Variants in SLC4A4 observed in about 807,000 individuals in gnomAD.
SLC4A4 encodes the protein solute carrier family 4 member 4.
Under a neutral mutation model 111.5 loss-of-function variants are expected in SLC4A4, and 27 were observed. The ratio of observed to expected loss-of-function variants is 0.24; its 90% CI spans 0.18 to 0.33. The LOEUF (loss-of-function observed/expected upper bound fraction) is 0.33, where lower values mean the gene tolerates loss of function less well. SLC4A4 is among the 10% of genes least tolerant of loss of function. SLC4A4 has a pLI of 1.00. For synonymous variants in SLC4A4, 443 were observed against 463.4 expected, an observed-to-expected ratio of 0.96 and a Z score of 0.57; for missense variants, 909 against 1,315.5, an observed-to-expected ratio of 0.69 and a Z score of 4.78.
At chr4:71,184,735 G>A (rs1217289009), upstream of SLC4A4, among the ~76,000 whole-genome samples, 2 of 152,134 alleles carry the variant, frequency 1.3e-5, no homozygotes, top group African/African-American at 4.8e-5. Flanking sequence ...AAAATCTCAG[G>A]ATTCATTGTT....
chr4:71,420,595 G>T (rs1722353083), intron 7 of SLC4A4, among the ~76,000 whole-genome samples: 1 of 152,200 alleles, frequency 6.6e-6, no homozygotes, highest in South Asian at 2.1e-4. Flanking sequence ...GAAAGGTCGG[G>T]TTACTCACAA....
chr4:71,474,777 T>C (rs963099739), intron 14 of SLC4A4, among the ~76,000 whole-genome samples: 7 of 151,904 alleles, frequency 4.6e-5, no homozygotes, highest in Non-Finnish European at 1.5e-5. Context: ...CATATAGTTA[T>C]GAAAGCTAAC....
chr4:71,274,618 A>AT (rs1260090249), intron 3 of SLC4A4, among the ~76,000 whole-genome samples: 1 of 152,162 alleles, frequency 6.6e-6, no homozygotes, highest in East Asian at 1.9e-4. Context: ...GCTCTGTAGA[A>AT]TTTTTTTTCA....
intron 1 of SLC4A4, among the ~76,000 whole-genome samples, chr4:71,085,247 G>A (rs1270257350): frequency 6.6e-6 from 1 of 151,668 alleles, no homozygotes; most frequent in African/African-American, 2.4e-5. Flanking sequence ...CTTTTTGATG[G>A]GTTTGTTTGT....
intron 16 of SLC4A4, among the ~76,000 whole-genome samples, chr4:71,512,683 A>G (rs28813548): frequency 0.13 from 19,721 of 152,068 alleles, 1,572 homozygotes; most frequent in Admixed American, 0.24. Context: ...AATGAATTTC[A>G]GATCTTAATC....
intron 16 of SLC4A4, among the ~76,000 whole-genome samples, chr4:71,516,471 TGTG>T (rs1021779777): frequency 2.0e-5 from 3 of 152,186 alleles, no homozygotes; most frequent in Admixed American, 2.0e-4. Flanking sequence ...CAGTAATGGC[TGTG>T]CTCCCAAAAT....
intron 17 of SLC4A4, among the ~76,000 whole-genome samples, chr4:71,532,577 C>G (rs749290042): frequency 6.6e-6 from 1 of 152,068 alleles, no homozygotes; most frequent in Non-Finnish European, 1.5e-5. Context: ...GCAATCTCAG[C>G]TCACTGCAAC....
chr4:71,295,285 C>G (rs562644672), intron 3 of SLC4A4, among the ~76,000 whole-genome samples: 3 of 152,236 alleles, frequency 2.0e-5, no homozygotes, highest in African/African-American at 7.2e-5. Context: ...TCTATACTTA[C>G]AAATGGTGAG....
At chr4:71,509,421 T>G (rs1346052890) in intron 16 of SLC4A4, among the ~76,000 whole-genome samples, 5 of 150,250 alleles carry the variant, frequency 3.3e-5, no homozygotes, top group African/African-American at 1.2e-4. Flanking sequence ...TTTTTTTTTC[T>G]GTAAATGGGT....
intron 18 of SLC4A4, among the ~76,000 whole-genome samples, chr4:71,544,402 G>C (rs529684898): frequency 4.6e-5 from 7 of 152,082 alleles, no homozygotes; most frequent in African/African-American, 1.7e-4. Flanking sequence ...GTGGTTGAAA[G>C]TGGTGGTGGC....
chr4:71,358,688 G>T (rs1730499377), intron 6 of SLC4A4, among the ~76,000 whole-genome samples: 1 of 151,922 alleles, frequency 6.6e-6, no homozygotes, highest in Non-Finnish European at 1.5e-5. Context: ...AAATATTTTG[G>T]TTTTTATGTC....
chr4:71,190,632 C>T (rs1031753914), intron 1 of SLC4A4, among the ~76,000 whole-genome samples: 1 of 152,140 alleles, frequency 6.6e-6, no homozygotes, highest in African/African-American at 2.4e-5. Flanking sequence ...GGGAGGATCA[C>T]TTAAGCATAG....
intron 2 of SLC4A4, among the ~76,000 whole-genome samples, chr4:71,106,419 C>G (rs1349054812): frequency 1.3e-5 from 2 of 148,924 alleles, no homozygotes; most frequent in East Asian, 2.0e-4. Context: ...CATCCCATTA[C>G]TGGGTATATA....
At chr4:71,308,516 GA>G (rs1725872218) in intron 3 of SLC4A4, among the ~76,000 whole-genome samples, 1 of 152,098 alleles carries the variant, frequency 6.6e-6, no homozygotes, top group Non-Finnish European at 1.5e-5. Flanking sequence ...ATTTCCAACT[GA>G]GGTAGCCAGT....
At chr4:71,540,926 G>A (rs1405404404) in intron 18 of SLC4A4, among the ~76,000 whole-genome samples, 1 of 152,116 alleles carries the variant, frequency 6.6e-6, no homozygotes, top group Non-Finnish European at 1.5e-5. Context: ...TGAGGTCAAA[G>A]TTAACGGGGC....
chr4:71,408,580 G>C (rs1721082586), intron 7 of SLC4A4, among the ~76,000 whole-genome samples: 1 of 151,982 alleles, frequency 6.6e-6, no homozygotes, highest in Non-Finnish European at 1.5e-5. Flanking sequence ...GCTCTATACT[G>C]CTCTATCCAC....
At chr4:71,365,566 T>A (rs1731166390) in intron 6 of SLC4A4, among the ~76,000 whole-genome samples, 1 of 152,138 alleles carries the variant, frequency 6.6e-6, no homozygotes, top group African/African-American at 2.4e-5. Flanking sequence ...CTTCCAAGAA[T>A]GACTAAGCAT....
chr4:71,205,610 G>A (rs920984217), intron 1 of SLC4A4, among the ~76,000 whole-genome samples: 2 of 151,888 alleles, frequency 1.3e-5, no homozygotes, highest in South Asian at 4.2e-4. Context: ...ACTGAAACTG[G>A]GGCATACACA....
At chr4:71,352,534 G>C (rs1729934725) in intron 5 of SLC4A4, among the ~76,000 whole-genome samples, 1 of 152,168 alleles carries the variant, frequency 6.6e-6, no homozygotes, top group Non-Finnish European at 1.5e-5. Flanking sequence ...AAGAAGGAAT[G>C]CTGGATTTAA....
Sources: allele counts gnomAD v4.1 joint callset (sites outside exome capture counted in the v4.1 genomes callset), GRCh38; gene constraint gnomAD v4.1.1; transcripts MANE v1.5; gene names NCBI Gene and HGNC (gene_info 2026-07-23, HGNC 2026-07-21).